Variants in OTUD7B observed in about 807,000 individuals in gnomAD.
The protein encoded by OTUD7B is OTU domain-containing protein 7B.
In OTUD7B, 34 loss-of-function variants were observed where a neutral mutation model predicts 82.2. The ratio of observed to expected loss-of-function variants is 0.41; its 90% CI spans 0.31 to 0.55. OTUD7B has a LOEUF of 0.55. OTUD7B is among the 20% of genes least tolerant of loss of function. The pLI, the probability that OTUD7B is intolerant of heterozygous loss-of-function variation, is 0.20. For missense variants in OTUD7B, 944 were observed against 1,062.1 expected (o/e 0.89, Z 1.55); for synonymous variants, 398 against 402.7 (o/e 0.99, Z 0.14).
chr1:150,003,286 C>T (rs1482692371), intron 1 of OTUD7B, among the ~76,000 whole-genome samples: 4 of 151,580 alleles, frequency 2.6e-5, no homozygotes, highest in African/African-American at 9.7e-5. Flanking sequence ...TCTGTATGAT[C>T]CAGCGTTGCC....
intron 9 of OTUD7B, among the ~76,000 whole-genome samples, 194 bp from the exon 10 acceptor site, chr1:149,949,277 A>G (rs1559826471): frequency 6.6e-6 from 1 of 152,174 alleles, no homozygotes; most frequent in Non-Finnish European, 1.5e-5. Context: ...TTAGGCCACA[A>G]ATCTCCCTGA....
At chr1:150,019,502 G>A in the OTUD7B span, among the ~76,000 whole-genome samples, 3 of 152,092 alleles carry the variant, frequency 2.0e-5, no homozygotes, top group Admixed American at 2.0e-4. Flanking sequence ...TGAGTAGCTG[G>A]AATTACAGGC....
chr1:149,951,350 C>T (rs1340790896), intron 7 of OTUD7B, among the ~76,000 whole-genome samples: 3 of 152,018 alleles, frequency 2.0e-5, no homozygotes, highest in South Asian at 2.1e-4. Context: ...GTGATCCGCC[C>T]GTCTCAGCCT....
At chr1:149,984,098 T>C (rs1415929725) in intron 1 of OTUD7B, among the ~76,000 whole-genome samples, 2 of 152,172 alleles carry the variant, frequency 1.3e-5, no homozygotes, top group East Asian at 3.9e-4. Context: ...CTTGCTTTTA[T>C]TGAAACACTG....
intron 7 of OTUD7B, among the ~76,000 whole-genome samples, chr1:149,950,719 T>C (rs1209424898): frequency 6.6e-6 from 1 of 152,150 alleles, no homozygotes; most frequent in Non-Finnish European, 1.5e-5. Flanking sequence ...TGGAAATATT[T>C]ATTGTGCTTT....
At chr1:149,975,379 C>G (rs1650236961) in intron 2 of OTUD7B, among the ~76,000 whole-genome samples, 2 of 152,216 alleles carry the variant, frequency 1.3e-5, no homozygotes, top group Admixed American at 1.3e-4. Flanking sequence ...ACTCTGAAAC[C>G]AGATTGCCTA....
chr1:150,051,229 C>A, the OTUD7B span, among the ~76,000 whole-genome samples: 743 of 96,770 alleles, frequency 7.7e-3, no homozygotes, highest in African/African-American at 7.7e-3. Flanking sequence ...GACTTCGCCT[C>A]AAAAAAAAAA....
chr1:150,001,140 C>T (rs979089743), intron 1 of OTUD7B, among the ~76,000 whole-genome samples: 10 of 152,100 alleles, frequency 6.6e-5, no homozygotes, highest in African/African-American at 2.4e-4. Flanking sequence ...ATATCTATAA[C>T]ATTTAATATT....
At chr1:150,018,410 A>AGT in the OTUD7B span, among the ~76,000 whole-genome samples, 1 of 152,202 alleles carries the variant, frequency 6.6e-6, no homozygotes, top group East Asian at 1.9e-4. Flanking sequence ...GCCCCCAGGC[A>AGT]GTGCCCTTCC....
the OTUD7B span, among the ~76,000 whole-genome samples, chr1:150,066,041 A>G: frequency 2.0e-5 from 3 of 152,342 alleles, no homozygotes; most frequent in East Asian, 5.8e-4. The surrounding 1 kb of genome is among the most constrained non-coding windows in gnomAD (Gnocchi z 4.6). Context: ...CAGACTGACT[A>G]TTGTTTAAAA....
chr1:149,971,622 G>C (rs1038932287), intron 2 of OTUD7B, among the ~76,000 whole-genome samples: 2 of 152,072 alleles, frequency 1.3e-5, no homozygotes, highest in Non-Finnish European at 2.9e-5. Context: ...CTCAGGCCCA[G>C]GTCTCCTAAT....
chr1:150,038,837 A>T, the OTUD7B span, among the ~76,000 whole-genome samples: 1 of 152,178 alleles, frequency 6.6e-6, no homozygotes, highest in Non-Finnish European at 1.5e-5. Context: ...TAGTACTTTT[A>T]TAATTTTTGT....
At chr1:150,023,001 T>C in the OTUD7B span, among the ~76,000 whole-genome samples, 5 of 152,330 alleles carry the variant, frequency 3.3e-5, no homozygotes, top group African/African-American at 9.6e-5. Context: ...AGTGTAGAAC[T>C]GGGTACTAGA....
intron 3 of OTUD7B, among the ~76,000 whole-genome samples, chr1:149,967,753 C>T (rs1649614242): frequency 6.6e-6 from 1 of 152,126 alleles, no homozygotes; most frequent in South Asian, 2.1e-4. Context: ...TCTTTCTGCC[C>T]TTGTTTGGAA....
At chr1:149,957,219 G>A (rs1553774753) in intron 7 of OTUD7B, among the ~76,000 whole-genome samples, 1 of 151,662 alleles carries the variant, frequency 6.6e-6, no homozygotes. Flanking sequence ...TGGGGTATTG[G>A]TGTGGATGTC....
chr1:149,947,449 G>A (rs1158787149), intron 10 of OTUD7B, 114 bp from the exon 11 acceptor site: 2 of 598,990 alleles, frequency 3.3e-6, no homozygotes, highest in East Asian at 3.0e-5. Flanking sequence ...AATAGGGTTG[G>A]GTTTGAACTA....
At chr1:149,962,707 G>A (rs1343118958) in intron 6 of OTUD7B, 1 of 152,116 alleles carries the variant, frequency 6.6e-6, no homozygotes, top group Non-Finnish European at 1.5e-5. Flanking sequence ...TAATTTTCTG[G>A]GTGTTGCTGT....
At chr1:149,960,095 AAGAAC>A (rs1227946329) in intron 6 of OTUD7B, among the ~76,000 whole-genome samples, 1 of 152,138 alleles carries the variant, frequency 6.6e-6, no homozygotes, top group Non-Finnish European at 1.5e-5. Flanking sequence ...GATTTTGGCA[AAGAAC>A]AATGACCTTC....
the OTUD7B span, among the ~76,000 whole-genome samples, chr1:150,032,299 C>T: frequency 2.1e-5 from 3 of 144,108 alleles, no homozygotes; most frequent in Non-Finnish European, 3.0e-5. Context: ...GCAATAAGAG[C>T]GAAATTCTGT....
Sources: gnomAD v4.1 joint callset for allele counts (sites outside exome capture counted in the v4.1 genomes callset) on GRCh38, gnomAD v4.1.1 for gene constraint, Gnocchi (gnomAD v3.1) non-coding constraint, MANE v1.5 for transcripts, NCBI Gene and HGNC (gene_info 2026-07-23, HGNC 2026-07-21) for gene names.